Variants in BCAT2 observed in about 807,000 individuals in gnomAD.
BCAT2 encodes the protein branched-chain-amino-acid aminotransferase, mitochondrial.
Under a neutral mutation model 52.9 loss-of-function variants are expected in BCAT2, and 44 were observed. The observed-to-expected ratio is 0.83, with a 90% confidence interval of 0.65 to 1.07. BCAT2 has a LOEUF of 1.07. Ranked by LOEUF, BCAT2 falls within the 50% of genes least tolerant of loss-of-function variation. The pLI, the probability that BCAT2 is intolerant of heterozygous loss-of-function variation, is 0.00. For missense variants in BCAT2, 478 were observed against 521.8 expected (o/e 0.92, Z 0.82); for synonymous variants, 215 against 217.1 (o/e 0.99, Z 0.08).
At chr19:48,810,800 C>T (rs1473309254) in intron 1 of BCAT2, 184 bp downstream of exon 1, 3 of 1,409,066 alleles carry the variant, frequency 2.1e-6, no homozygotes, top group African/African-American at 3.1e-5. Flanking sequence ...TCTACCTGCT[C>T]CCCCTCACCC....
chr19:48,804,252 T>TA (rs1454221891), intron 3 of BCAT2, among the ~76,000 whole-genome samples: 2 of 151,654 alleles, frequency 1.3e-5, no homozygotes, highest in Non-Finnish European at 1.5e-5. Context: ...ACCACAATAA[T>TA]AAAAAATAAG....
rs1412775714 is a variant in BCAT2, at chr19:48,799,747, G to C, written c.623C>G (p.Pro208Arg). 2 of 1,584,972 alleles carry C rather than the reference G, an allele frequency of 1.3e-6. No individual in the cohort carries two copies. The highest frequency in any genetic ancestry group is 1.3e-5 in the African/African-American group (1 of 74,650). The change falls in exon 6 of 11, where the codon CCG (proline) becomes CGG (arginine). Residue 208 changes from proline to arginine, a missense_variant. Physicochemically the swap from Pro to Arg is moderately radical, Grantham distance 103 (BLOSUM62 -2). Coordinates refer to ENST00000316273, the MANE Select transcript of BCAT2 (RefSeq NM_001190.4). This position sits in a 1 kb window ranked among gnomAD's most constrained non-coding sequence, Gnocchi z 5.5. ...GAYFPGGSVT[P>R]VSLLADPAFI... ...GGCTGGGTCGGCCAGGAGGGAGACC[G>C]GGGTCACGGAGCCTCCAGGGAAGTA...
intron 3 of BCAT2, among the ~76,000 whole-genome samples, chr19:48,803,736 A>C (rs1479486306): frequency 1.3e-5 from 2 of 152,214 alleles, no homozygotes; most frequent in Non-Finnish European, 2.9e-5. Flanking sequence ...CAGAAAGCAG[A>C]CTAATGGTTG....
chr19:48,806,606 T>C lies in BCAT2; in HGVS notation c.211A>G (p.Asn71Asp). The change falls in exon 3 of 11, where the codon AAT (asparagine) becomes GAT (aspartate). Residue 71 changes from asparagine (N) to aspartate (D), a missense_variant. Physicochemically the swap from Asn to Asp is conservative, Grantham distance 23 (BLOSUM62 1). Transcript: ENST00000316273. ...CGGGGCTGGCCCCAGCCCTTGTCATTCCATTCCACCATCAGCATGTGGTCG... is the reference window on the plus strand; with the variant it reads ...CGGGGCTGGCCCCAGCCCTTGTCATCCCATTCCACCATCAGCATGTGGTCG... Reference protein sequence around the residue: ...FTDHMLMVEWNDKGWGQPRIQ... With the variant: ...FTDHMLMVEWDDKGWGQPRIQ... 1 of 1,614,124 alleles carries C rather than the reference T, an allele frequency of 6.2e-7. No homozygotes were observed. The highest frequency in any genetic ancestry group is 8.5e-7 in the Non-Finnish European group (1 of 1,180,018).
At position 48,806,763 on chromosome 19, in the gene BCAT2, G is replaced by A. The variant is rs775850584; in HGVS notation, c.100-46C>T. 3.8e-6 allele frequency: 6 copies of A among 1,599,396 alleles called. No homozygotes were observed. In the African/African-American group the frequency reaches 6.7e-5, roughly 18 times the overall value. On this transcript the variant is annotated intron_variant, in intron 2 of 10. Coordinates refer to ENST00000316273, the MANE Select transcript of BCAT2 (RefSeq NM_001190.4). ...CCTAGAATCTGGCCACAACCTCCCA[G>A]CTGAAAAACTACAACTCCCATGAAG...
At chr19:48,806,232 G>T (rs1317932170) in intron 3 of BCAT2, among the ~76,000 whole-genome samples, 1 of 150,066 alleles carries the variant, frequency 6.7e-6, no homozygotes, top group Non-Finnish European at 1.5e-5. Flanking sequence ...TGAGGCTGGG[G>T]GTCTCTACTG....
Position 48,795,811 on chromosome 19 carries a change from G to A in BCAT2, c.1141-347C>T, listed in dbSNP as rs1207166835. ...AAATGTAGCTCTAGGTCTGGGAAAG[G>A]AGCCCAGAGATTCTTGGGAAAGAGA... On this transcript the variant is annotated intron_variant, in intron 10 of 10. Coordinates refer to ENST00000316273, the MANE Select transcript of BCAT2 (RefSeq NM_001190.4). 2.6e-5 allele frequency: 9 copies of A among 349,534 alleles called. No individual in the cohort carries two copies. In the South Asian group the frequency reaches 4.0e-4, roughly 16 times the overall value. 21.7% of individuals were successfully genotyped at this position (349,534 alleles called of 1,614,324 possible).
intron 3 of BCAT2, among the ~76,000 whole-genome samples, chr19:48,806,237 CTA>C (rs2122690306): frequency 6.6e-6 from 1 of 150,584 alleles, no homozygotes; most frequent in East Asian, 2.0e-4. Context: ...CTGGGGGTCT[CTA>C]CTGGCCTCCA....
chr19:48,801,383 C>T (rs2034654494), intron 3 of BCAT2, among the ~76,000 whole-genome samples: 1 of 152,006 alleles, frequency 6.6e-6, no homozygotes, highest in African/African-American at 2.4e-5. Flanking sequence ...AGGGAGTAGC[C>T]ATATCAGGTA....
intron 10 of BCAT2, chr19:48,796,141 T>C (rs1380275848): frequency 5.8e-6 from 3 of 517,168 alleles, no homozygotes; most frequent in African/African-American, 1.9e-5. Context: ...AGGGGGTTTC[T>C]CCTACCAGGG....
chr19:48,796,919 A>G lies in BCAT2; in HGVS notation c.924+18T>C, dbSNP rs1475553516. 2 of 1,613,410 alleles carry G rather than the reference A, an allele frequency of 1.2e-6. No homozygotes were observed. Among genetic ancestry groups the G allele is most frequent in the Admixed American group, 3.3e-5 (2 of 59,994 alleles). On this transcript the variant is annotated intron_variant, in intron 8 of 10. Coordinates refer to ENST00000316273, the MANE Select transcript of BCAT2 (RefSeq NM_001190.4). ...CCTGGCACATGGCGCCCATCACCAG[A>G]AGATGCCATGTCCTCACCCAGGTCT...
intron 8 of BCAT2, 58 bp from the exon 9 acceptor site, chr19:48,796,776 C>T (rs933276270): frequency 2.5e-6 from 4 of 1,591,620 alleles, no homozygotes; most frequent in Non-Finnish European, 8.6e-7. Context: ...TGCAGACCTC[C>T]ACCTCTCCCT....
chr19:48,796,413 C>T lies in BCAT2; in HGVS notation c.1140+15G>A, dbSNP rs1273860480. 6.2e-7 allele frequency: 1 copy of T among 1,614,160 alleles called. No individual in the cohort carries two copies. Among genetic ancestry groups the T allele is most frequent in the East Asian group, 2.2e-5 (1 of 44,882 alleles). On this transcript the variant is annotated intron_variant, in intron 10 of 10. Coordinates refer to ENST00000316273, the MANE Select transcript of BCAT2 (RefSeq NM_001190.4). ...AACAAGCTCCCAGCCCATTCCCCAG[C>T]TCCCTGCAGCTCACCTGGATCTCCT... is the stretch of plus-strand genomic sequence containing the variant.
At chr19:48,802,533 C>T (rs933030062) in intron 3 of BCAT2, among the ~76,000 whole-genome samples, 7 of 150,264 alleles carry the variant, frequency 4.7e-5, no homozygotes, top group South Asian at 2.1e-4. Context: ...CTGCAACCTC[C>T]GCCTCCCGGG....
At chr19:48,797,814 C>CT (rs11310101) in intron 6 of BCAT2, among the ~76,000 whole-genome samples, 2,563 of 130,722 alleles carry the variant, frequency 0.02, 90 homozygotes, top group African/African-American at 0.064. Flanking sequence ...TTCTTTTTTT[C>CT]TTTTTTTTTT....
chr19:48,797,063 C>A (rs1470647822), intron 7 of BCAT2, 41 bp from the exon 8 acceptor site: 2 of 1,612,728 alleles, frequency 1.2e-6, no homozygotes, highest in African/African-American at 2.7e-5. Flanking sequence ...ACCTCTCACC[C>A]CCTAGCACCG....
chr19:48,797,152 C>T, intron 7 of BCAT2, 39 bp downstream of exon 7: 1 of 1,611,508 alleles, frequency 6.2e-7, no homozygotes, highest in Non-Finnish European at 8.5e-7. Flanking sequence ...GTGCCACCCA[C>T]TTCCACCAGG....
rs547891963 is a variant in BCAT2, at chr19:48,797,736, C to T, written c.696-403G>A. ...GTGCTGGGATTACAGGCGTGAGCCA[C>T]CGCGCCCAGCCCTCACCCATTTCAT... is the stretch of plus-strand genomic sequence containing the variant. On this transcript the variant is annotated intron_variant, in intron 6 of 10. Coordinates refer to ENST00000316273, the MANE Select transcript of BCAT2 (RefSeq NM_001190.4). Among the ~76,000 whole-genome samples the T allele has an allele frequency of 4.6e-5, 7 of 151,978 alleles. No homozygotes were observed. The South Asian group carries it at 1.5e-3, about 32-fold the overall frequency.
At chr19:48,801,037 G>C (rs2034646836) in intron 3 of BCAT2, among the ~76,000 whole-genome samples, 1 of 152,122 alleles carries the variant, frequency 6.6e-6, no homozygotes, top group Non-Finnish European at 1.5e-5. Context: ...ACCCAGGCTG[G>C]AGTGCAGTGG....
Sources: allele counts gnomAD v4.1 joint callset (sites outside exome capture counted in the v4.1 genomes callset), GRCh38; gene constraint gnomAD v4.1.1; non-coding constraint Gnocchi (gnomAD v3.1); transcripts MANE v1.5; gene names NCBI Gene and HGNC (gene_info 2026-07-23, HGNC 2026-07-21).